BARD1: variants seen among roughly 807,000 people sequenced by gnomAD.
The protein encoded by BARD1 is BRCA1 associated RING domain 1.
In BARD1, 73 loss-of-function variants were observed where a neutral mutation model predicts 77.0. That is an observed-to-expected ratio of 0.95 (90% CI 0.79 to 1.15). The LOEUF (loss-of-function observed/expected upper bound fraction) is 1.15. Ranked by LOEUF, BARD1 falls within the 50% of genes most tolerant of loss-of-function variation. The pLI is 0.00. For missense variants in BARD1, 993 were observed against 938.8 expected, an observed-to-expected ratio of 1.06 and a Z score of -0.75; for synonymous variants, 384 against 338.0, an observed-to-expected ratio of 1.14 and a Z score of -1.49.
intron 6 of BARD1, among the ~76,000 whole-genome samples, chr2:214,761,009 C>T (rs1420820947): frequency 1.3e-5 from 2 of 150,254 alleles, no homozygotes; most frequent in African/African-American, 4.9e-5. Flanking sequence ...CTCCTGACCT[C>T]GGGATCCACC....
chr2:214,774,541 C>G (rs989804886), intron 4 of BARD1, among the ~76,000 whole-genome samples: 1 of 152,208 alleles, frequency 6.6e-6, no homozygotes, highest in South Asian at 2.1e-4. Flanking sequence ...TAGGTCTCAA[C>G]AGCAGGCTTA....
chr2:214,779,673 T>C (rs1027927981), intron 4 of BARD1, among the ~76,000 whole-genome samples: 2 of 152,194 alleles, frequency 1.3e-5, no homozygotes, highest in Non-Finnish European at 2.9e-5. Context: ...AGCCTCATGT[T>C]TGTGGACCTC....
At chr2:214,755,950 A>T (rs1194925744) in intron 6 of BARD1, among the ~76,000 whole-genome samples, 1 of 152,244 alleles carries the variant, frequency 6.6e-6, no homozygotes, top group African/African-American at 2.4e-5. Flanking sequence ...ACGACAGTAT[A>T]TTAATATCTT....
chr2:214,801,549 T>A (rs1696019605), intron 1 of BARD1, among the ~76,000 whole-genome samples: 1 of 152,182 alleles, frequency 6.6e-6, no homozygotes, highest in Non-Finnish European at 1.5e-5. Context: ...TTTTCTCTCA[T>A]TGCTCCTCAA....
chr2:214,763,788 G>C (rs1282720229), intron 6 of BARD1, among the ~76,000 whole-genome samples: 4 of 152,164 alleles, frequency 2.6e-5, no homozygotes, highest in African/African-American at 9.7e-5. Context: ...TAAGGAGTAA[G>C]AGCTTCAGGA....
rs1057523017 is a variant in BARD1, at chr2:214,792,279, G to T, written c.364+18C>A. ...TTAACTGATGAATTTAACTAAGAGA[G>T]ATAGGGATAGTTCTTACCTGACAGC... On this transcript the variant is annotated intron_variant, in intron 3 of 10. Transcript: ENST00000260947. The T allele has an allele frequency of 6.2e-7, 1 of 1,611,666 alleles. No individual in the cohort carries two copies. The highest frequency in any genetic ancestry group is 1.3e-5 in the African/African-American group (1 of 74,646).
intron 4 of BARD1, among the ~76,000 whole-genome samples, chr2:214,769,928 T>A (rs1354298868): frequency 3.3e-5 from 5 of 152,166 alleles, no homozygotes; most frequent in Non-Finnish European, 7.4e-5. Context: ...AGCCATAATT[T>A]CACTTGTGAA....
At chr2:214,769,733 T>A (rs1046826692) in intron 4 of BARD1, among the ~76,000 whole-genome samples, 6 of 152,104 alleles carry the variant, frequency 3.9e-5, no homozygotes. Flanking sequence ...AGAGCAAGAC[T>A]CCGTCTCAAA....
intron 3 of BARD1, among the ~76,000 whole-genome samples, chr2:214,786,324 C>T (rs1227998756): frequency 6.6e-6 from 1 of 151,952 alleles, no homozygotes; most frequent in Non-Finnish European, 1.5e-5. Context: ...AAAAGTACAT[C>T]ATCTATTATT....
intron 6 of BARD1, among the ~76,000 whole-genome samples, chr2:214,765,342 C>A (rs1474909041): frequency 1.3e-5 from 2 of 152,138 alleles, no homozygotes; most frequent in Non-Finnish European, 2.9e-5. Flanking sequence ...ATTAATAAGC[C>A]CTCACAGTGC....
chr2:214,786,883 G>A (rs147772289), intron 3 of BARD1, among the ~76,000 whole-genome samples: 315 of 152,010 alleles, frequency 2.1e-3, no homozygotes, highest in Middle Eastern at 0.01. Context: ...GAGACTTTAT[G>A]TCTAGATTCA....
At chr2:214,792,149 TTAAAA>T in intron 3 of BARD1, 143 bp downstream of exon 3, 1 of 760,108 alleles carries the variant, frequency 1.3e-6, no homozygotes, top group Non-Finnish European at 2.0e-6. Context: ...CAATGGCTAT[TTAAAA>T]AAAAAAAAAA....
chr2:214,742,252 T>C (rs753905403), intron 9 of BARD1, among the ~76,000 whole-genome samples: 8 of 152,324 alleles, frequency 5.3e-5, no homozygotes, highest in Non-Finnish European at 1.0e-4. Context: ...CTGAGCCAGG[T>C]GCAGTGATGT....
chr2:214,779,107 C>A (rs1433234126), intron 4 of BARD1, among the ~76,000 whole-genome samples: 1 of 152,042 alleles, frequency 6.6e-6, no homozygotes, highest in Non-Finnish European at 1.5e-5. Context: ...TAAAACACAA[C>A]CAGAGCCAAG....
intron 2 of BARD1, among the ~76,000 whole-genome samples, chr2:214,794,893 C>T (rs1280652380): frequency 6.6e-6 from 1 of 152,206 alleles, no homozygotes; most frequent in Non-Finnish European, 1.5e-5. Context: ...ACGTTCATGT[C>T]ATATACACAT....
rs754881729 is a variant in BARD1 at position 214,728,281 on chromosome 2, T to TAAAAA, written c.*390_*394dup. On this transcript the variant is annotated 3_prime_UTR_variant, in exon 11 of 11. Coordinates refer to ENST00000260947, the MANE Select transcript of BARD1 (RefSeq NM_000465.4). ...AATTGTTTGATAATATTCTGTTTAC[T>TAAAAA]AAAAAAAAAAAAAAAAAAAAGGCAA... 18 of 149,526 alleles carry TAAAAA rather than the reference T, an allele frequency of 1.2e-4. No individual in the cohort carries two copies. The highest frequency in any genetic ancestry group is 1.8e-4 in the East Asian group (2 of 11,404). 9.3% of individuals were successfully genotyped at this position (149,526 alleles called of 1,614,324 possible). A position where few individuals can be genotyped will look rare whatever the true frequency, so the allele number is the denominator to read the frequency against.
intron 7 of BARD1, among the ~76,000 whole-genome samples, chr2:214,751,129 A>G (rs1304281750): frequency 0.26 from 3,223 of 12,338 alleles, 841 homozygotes; most frequent in East Asian, 0.41. Context: ...ATATATATAT[A>G]TATATATATA....
chr2:214,781,063 A>G lies in BARD1; in HGVS notation c.811T>C (p.Cys271Arg). The G allele has an allele frequency of 6.2e-7, 1 of 1,604,038 alleles. No individual in the cohort carries two copies. ...GAGACTTCAGTTAAACTTCCAAAAC[A>G]TTCAGATTCTGTCAAGGAGCCACTT... ...LASGSLTESE[C>R]FGSLTEVSLP... is the part of the protein sequence containing the mutation. The change falls in exon 4 of 11, where the codon TGT becomes CGT. Residue 271 changes from cysteine to arginine, a missense_variant. Physicochemically the swap from Cys to Arg is radical, Grantham distance 180 (BLOSUM62 -3). Transcript: ENST00000260947.
chr2:214,751,136 TATATATA>T (rs1693412977), intron 7 of BARD1, among the ~76,000 whole-genome samples: 6 of 46,102 alleles, frequency 1.3e-4, no homozygotes, highest in Non-Finnish European at 2.7e-4. Flanking sequence ...TATATATATA[TATATATA>T]TATATATATT....
Sources: allele counts gnomAD v4.1 joint callset (sites outside exome capture counted in the v4.1 genomes callset), GRCh38; gene constraint gnomAD v4.1.1; transcripts MANE v1.5; gene names NCBI Gene and HGNC (gene_info 2026-07-23, HGNC 2026-07-21).